Variants in KIRREL3 observed in about 807,000 individuals in gnomAD.
The protein encoded by KIRREL3 is kirre like nephrin family adhesion molecule 3.
KIRREL3 carries 36 observed loss-of-function variants against 89.7 expected under a neutral mutation model. The ratio of observed to expected loss-of-function variants is 0.40; its 90% confidence interval spans 0.31 to 0.53. KIRREL3 has a LOEUF of 0.53. KIRREL3 is among the 20% of genes least tolerant of loss of function. The pLI, the probability that KIRREL3 is intolerant of heterozygous loss-of-function variation, is 0.49. For synonymous variants in KIRREL3, 445 were observed against 441.4 expected (o/e 1.01, Z -0.10); for missense variants, 864 against 1,056.6 (o/e 0.82, Z 2.53).
chr11:126,711,766 C>G (rs1332177260), intron 1 of KIRREL3, among the ~76,000 whole-genome samples: 5 of 152,158 alleles, frequency 3.3e-5, no homozygotes, highest in Admixed American at 2.0e-4. Flanking sequence ...TATTTTTAAC[C>G]AGTTCCCACT....
At chr11:126,759,884 CA>C (rs762030986) in intron 1 of KIRREL3, among the ~76,000 whole-genome samples, 7 of 152,152 alleles carry the variant, frequency 4.6e-5, no homozygotes, top group Non-Finnish European at 8.8e-5. Flanking sequence ...GAGGAAGGGC[CA>C]AGATGAAGAA....
Position 126,566,755 on chromosome 11 carries a change from T to C in KIRREL3, c.56-3843A>G, listed in dbSNP as rs965841082. 6.6e-6 allele frequency among the ~76,000 whole-genome samples: 1 copy of C among 152,250 alleles called. No individual in the cohort carries two copies. The highest frequency in any genetic ancestry group is 6.5e-5 in the Admixed American group (1 of 15,288). On this transcript the variant is annotated intron_variant, in intron 1 of 16. Coordinates refer to ENST00000525144, the MANE Select transcript of KIRREL3 (RefSeq NM_032531.4). The surrounding 1 kb of genome is among the most constrained non-coding windows in gnomAD (Gnocchi z 4.9). ...AATTCCTTCATTCTTACTAGTAATGTAGTGATACGGTGGTATTATTTCATA... is the reference window on the plus strand; with the variant it reads ...AATTCCTTCATTCTTACTAGTAATGCAGTGATACGGTGGTATTATTTCATA...
At chr11:126,693,248 G>A (rs1946949450) in intron 1 of KIRREL3, among the ~76,000 whole-genome samples, 1 of 152,134 alleles carries the variant, frequency 6.6e-6, no homozygotes, top group South Asian at 2.1e-4. Context: ...GCGAAACCCT[G>A]TCTCCAGTAA....
At chr11:126,824,702 G>C (rs1333940900) in intron 1 of KIRREL3, among the ~76,000 whole-genome samples, 1 of 152,240 alleles carries the variant, frequency 6.6e-6, no homozygotes, top group Non-Finnish European at 1.5e-5. Context: ...TTATATGTGA[G>C]AGAGGGTAGA....
rs144816517 is a variant in KIRREL3, at chr11:126,864,834, A to G, written c.55+135621T>C. 1.8e-3 allele frequency among the ~76,000 whole-genome samples: 278 copies of G among 152,206 alleles called. 11 individuals are homozygous for G. The East Asian group carries it at 0.053, about 29-fold the overall frequency. ...ATCCAGGCCACAAGGGCTACTTTGG[A>G]TCCTCCCTCTCCATCATGCATATAC... On this transcript the variant is annotated intron_variant, in intron 1 of 16. Transcript: ENST00000525144.
intron 1 of KIRREL3, among the ~76,000 whole-genome samples, chr11:126,584,273 G>T (rs1184467633): frequency 6.6e-6 from 1 of 152,200 alleles, no homozygotes; most frequent in Non-Finnish European, 1.5e-5. Context: ...CGGAATTAGG[G>T]CGTTGGCGTT....
chr11:126,512,999 G>A lies in KIRREL3; in HGVS notation c.433+8316C>T, dbSNP rs143022076. Among the ~76,000 whole-genome samples the A allele has an allele frequency of 5.0e-3, 756 of 152,248 alleles. 10 individuals are homozygous for A. Among genetic ancestry groups the A allele is most frequent in the African/African-American group, 0.016 (682 of 41,538 alleles). ...TGGCAGGACTGGGGCAGGAGTGAATGCGTCCCAGCTCCCCAGTGAGGGCCG... is the reference window on the plus strand; with the variant it reads ...TGGCAGGACTGGGGCAGGAGTGAATACGTCCCAGCTCCCCAGTGAGGGCCG... On this transcript the variant is annotated intron_variant, in intron 4 of 16. Coordinates refer to ENST00000525144, the MANE Select transcript of KIRREL3 (RefSeq NM_032531.4).
chr11:126,464,221 G>T (rs7926269), intron 5 of KIRREL3, among the ~76,000 whole-genome samples: 2 of 151,460 alleles, frequency 1.3e-5, no homozygotes, highest in Non-Finnish European at 2.9e-5. Flanking sequence ...GAAGAGAAGA[G>T]AGTCTGCTGG....
intron 1 of KIRREL3, among the ~76,000 whole-genome samples, chr11:126,982,479 G>A (rs1449637340): frequency 6.6e-6 from 1 of 152,174 alleles, no homozygotes; most frequent in Non-Finnish European, 1.5e-5. Flanking sequence ...ACTTCATAAA[G>A]CCTTTAAAGT....
intron 1 of KIRREL3, among the ~76,000 whole-genome samples, chr11:126,781,542 A>G (rs1320462291): frequency 6.6e-6 from 1 of 152,192 alleles, no homozygotes; most frequent in Non-Finnish European, 1.5e-5. Context: ...TATCTGTGTC[A>G]TTAGAAAATT....
In KIRREL3 at chr11:126,495,573, G is replaced by A. The variant is rs544159624; in HGVS notation, c.434-22107C>T. ...TGTTTATACCTGGCCTTCCTCCTCC[G>A]GGTCTAGCGCCACCCCAGCAGCAGA... On this transcript the variant is annotated intron_variant, in intron 4 of 16. Coordinates refer to ENST00000525144, the MANE Select transcript of KIRREL3 (RefSeq NM_032531.4). The surrounding 1 kb of genome is among the most constrained non-coding windows in gnomAD (Gnocchi z 6.5). Among the ~76,000 whole-genome samples, 127 of 152,262 alleles carry A rather than the reference G, an allele frequency of 8.3e-4. No homozygotes were observed. The South Asian group carries it at 0.014, about 17-fold the overall frequency.
At chr11:126,957,470 G>A (rs1021917689) in intron 1 of KIRREL3, among the ~76,000 whole-genome samples, 1 of 152,188 alleles carries the variant, frequency 6.6e-6, no homozygotes, top group Non-Finnish European at 1.5e-5. Context: ...CAAAAGGCTT[G>A]TCAAAGGCTG....
In KIRREL3 at chr11:126,772,941, C is replaced by T. The variant is rs1950062899; in HGVS notation, c.56-210029G>A. ...ACATCAGGACTGAGGTCCTGGGGTT[C>T]TGTCATGTGGACTAAGGTAGGGGTG... On this transcript the variant is annotated intron_variant, in intron 1 of 16. Transcript: ENST00000525144. The surrounding 1 kb of genome is among the most constrained non-coding windows in gnomAD (Gnocchi z 4.6). Among the ~76,000 whole-genome samples the T allele has an allele frequency of 6.6e-6, 1 of 152,218 alleles. No individual in the cohort carries two copies. The highest frequency in any genetic ancestry group is 2.4e-5 in the African/African-American group (1 of 41,452).
rs927843754 is a variant in KIRREL3 at position 126,843,162 on chromosome 11, C to T, written c.55+157293G>A. Among the ~76,000 whole-genome samples, 1 of 152,130 alleles carries T rather than the reference C, an allele frequency of 6.6e-6. No homozygotes were observed. Among genetic ancestry groups the T allele is most frequent in the African/African-American group, 2.4e-5 (1 of 41,426 alleles). On this transcript the variant is annotated intron_variant, in intron 1 of 16. Transcript: ENST00000525144. This position sits in a 1 kb window ranked among gnomAD's most constrained non-coding sequence, Gnocchi z 4.6. ...GCATTATCAGAGCAGCAAGTGATGA[C>T]ACAGAGCAGCTCTCTGGGAGGAAGA...
intron 1 of KIRREL3, among the ~76,000 whole-genome samples, chr11:126,939,118 T>C (rs1939990): frequency 0.79 from 120,750 of 152,182 alleles, 48,064 homozygotes; most frequent in South Asian, 0.83. Context: ...CTAGTAGACT[T>C]GAGCTGCTGT....
At chr11:126,536,638 A>C (rs1269367477) in intron 2 of KIRREL3, among the ~76,000 whole-genome samples, 1 of 131,438 alleles carries the variant, frequency 7.6e-6, no homozygotes, top group Admixed American at 8.5e-5. Flanking sequence ...GGCCCTGGGC[A>C]ATGCTTTTTT....
At position 126,558,827 on chromosome 11, in the gene KIRREL3, C is replaced by T. The variant is rs973528708; in HGVS notation, c.133+4008G>A. On this transcript the variant is annotated intron_variant, in intron 2 of 16. Transcript: ENST00000525144. The surrounding 1 kb of genome is among the most constrained non-coding windows in gnomAD (Gnocchi z 4.0). ...GGTGAAGGTTGTGTGCGTGTGTGCACACATGTGGGTGTATGTGTGCATGTG... is the reference window on the plus strand; with the variant it reads ...GGTGAAGGTTGTGTGCGTGTGTGCATACATGTGGGTGTATGTGTGCATGTG... 6.6e-6 allele frequency among the ~76,000 whole-genome samples: 1 copy of T among 151,538 alleles called. No individual in the cohort carries two copies. Among genetic ancestry groups the T allele is most frequent in the African/African-American group, 2.4e-5 (1 of 41,242 alleles).
intron 2 of KIRREL3, among the ~76,000 whole-genome samples, chr11:126,547,450 T>A (rs1417991915): frequency 6.6e-6 from 1 of 152,210 alleles, no homozygotes; most frequent in Non-Finnish European, 1.5e-5. Context: ...GCTGCCTGTG[T>A]GTACGCGTGA....
chr11:126,712,475 C>G (rs1461827155), intron 1 of KIRREL3, among the ~76,000 whole-genome samples: 1 of 152,216 alleles, frequency 6.6e-6, no homozygotes, highest in Non-Finnish European at 1.5e-5. Context: ...CTCCACCTCG[C>G]CCGTCCTTGG....
Sources: allele counts gnomAD v4.1 joint callset (sites outside exome capture counted in the v4.1 genomes callset), GRCh38; gene constraint gnomAD v4.1.1; non-coding constraint Gnocchi (gnomAD v3.1); transcripts MANE v1.5; gene names NCBI Gene and HGNC (gene_info 2026-07-23, HGNC 2026-07-21).